The following ARHGAP28 variants were observed in gnomAD, a reference collection of about 807,000 sequenced individuals.
ARHGAP28 encodes the protein rho GTPase-activating protein 28.
ARHGAP28 carries 56 observed loss-of-function variants against 90.7 expected under a neutral mutation model. The ratio of observed to expected loss-of-function variants is 0.62; its 90% CI spans 0.50 to 0.77. The LOEUF (loss-of-function observed/expected upper bound fraction) is 0.77, where lower values mean the gene tolerates loss of function less well. ARHGAP28 is among the 30% of genes least tolerant of loss of function. The pLI, the probability that ARHGAP28 is intolerant of heterozygous loss-of-function variation, is 0.00. For synonymous variants in ARHGAP28, 308 were observed against 323.3 expected (o/e 0.95, Z 0.51); for missense variants, 869 against 900.9 (o/e 0.96, Z 0.45).
chr18:6,817,212 G>A (rs2056597414), intron 1 of ARHGAP28, among the ~76,000 whole-genome samples: 1 of 152,022 alleles, frequency 6.6e-6, no homozygotes, highest in Non-Finnish European at 1.5e-5. Context: ...TACTCAGCAG[G>A]CTGAGGCAGG....
intron 4 of ARHGAP28, 151 bp downstream of exon 4, chr18:6,851,277 G>A: frequency 1.5e-6 from 1 of 670,012 alleles, no homozygotes; most frequent in Admixed American, 3.0e-5. Context: ...TGATTTTTAA[G>A]GAAAATATTC....
At chr18:6,812,756 T>G (rs2056565962) in intron 1 of ARHGAP28, among the ~76,000 whole-genome samples, 1 of 152,172 alleles carries the variant, frequency 6.6e-6, no homozygotes, top group Non-Finnish European at 1.5e-5. Flanking sequence ...ATCAAATTAT[T>G]TATTTGATTC....
chr18:6,908,999 G>T lies in ARHGAP28; in HGVS notation c.2070G>T (p.Arg690Ser). The change falls in exon 17 of 18, where the codon AGG becomes AGT. Residue 690 changes from arginine to serine, a missense_variant. Transcript: ENST00000383472. ...SSECIKIQNQ[R>S]LYEIGGNIGE... ...AATGTATTAAGATTCAGAACCAAAGGTTATATGAAATTGGAGGAAATATAG... is the reference window on the plus strand; with the variant it reads ...AATGTATTAAGATTCAGAACCAAAGTTTATATGAAATTGGAGGAAATATAG... The T allele has an allele frequency of 6.5e-7, 1 of 1,534,950 alleles. No individual in the cohort carries two copies. The highest frequency in any genetic ancestry group is 9.0e-7 in the Non-Finnish European group (1 of 1,113,202).
intron 11 of ARHGAP28, among the ~76,000 whole-genome samples, chr18:6,886,695 AT>A (rs1341367226): frequency 3.3e-5 from 5 of 152,218 alleles, no homozygotes; most frequent in African/African-American, 1.2e-4. Context: ...TGCAACAGGG[AT>A]TAAATAACCT....
intron 3 of ARHGAP28, among the ~76,000 whole-genome samples, chr18:6,840,085 C>T (rs1463998962): frequency 2.0e-5 from 3 of 152,192 alleles, no homozygotes; most frequent in African/African-American, 4.8e-5. Context: ...CAAAGATACA[C>T]AGTACCTAGT....
chr18:6,745,114 T>G (rs182750785), intron 1 of ARHGAP28, among the ~76,000 whole-genome samples: 5 of 152,300 alleles, frequency 3.3e-5, no homozygotes, highest in Non-Finnish European at 7.4e-5. Context: ...ATATTTTCCT[T>G]GTGTTTTTAA....
chr18:6,847,948 A>G (rs2056879508), intron 3 of ARHGAP28, among the ~76,000 whole-genome samples: 1 of 152,166 alleles, frequency 6.6e-6, no homozygotes, highest in Non-Finnish European at 1.5e-5. Flanking sequence ...AATGTAGGAC[A>G]AGATTAATTC....
intron 14 of ARHGAP28, among the ~76,000 whole-genome samples, chr18:6,892,130 C>G (rs1328221187): frequency 6.6e-6 from 1 of 151,974 alleles, no homozygotes; most frequent in African/African-American, 2.4e-5. Context: ...GAGAAAAAAT[C>G]ACATAATATA....
chr18:6,771,821 A>G lies in ARHGAP28; in HGVS notation c.122+41878A>G, dbSNP rs147442789. 6.5e-4 allele frequency among the ~76,000 whole-genome samples: 99 copies of G among 152,324 alleles called. No individual in the cohort carries two copies. In the East Asian group the frequency reaches 0.015, roughly 23 times the overall value. ...AACACATGTCATTTTCCTTGTCTGG[A>G]TAATGCTCTTTATGTAGTTAGATAA... On this transcript the variant is annotated intron_variant, in intron 1 of 17. Coordinates refer to ENST00000383472, the MANE Select transcript of ARHGAP28 (RefSeq NM_001366230.1).
chr18:6,879,251 C>A (rs1330060427), intron 10 of ARHGAP28, among the ~76,000 whole-genome samples: 1 of 152,184 alleles, frequency 6.6e-6, no homozygotes, highest in Non-Finnish European at 1.5e-5. Flanking sequence ...TGGAAAGAGG[C>A]AGACTGTTTG....
chr18:6,731,282 A>G (rs2055879725), intron 1 of ARHGAP28, among the ~76,000 whole-genome samples: 1 of 135,934 alleles, frequency 7.4e-6, no homozygotes, highest in South Asian at 2.3e-4. Flanking sequence ...ATAAATATAT[A>G]TATGTGTGCG....
chr18:6,891,716 T>C (rs563691381), intron 14 of ARHGAP28, among the ~76,000 whole-genome samples: 1 of 152,264 alleles, frequency 6.6e-6, no homozygotes, highest in Admixed American at 6.5e-5. Flanking sequence ...GCCTCTCCAG[T>C]AGCTAGGACT....
At chr18:6,832,149 A>G (rs115853134) in intron 2 of ARHGAP28, among the ~76,000 whole-genome samples, 59 of 152,102 alleles carry the variant, frequency 3.9e-4, no homozygotes, top group African/African-American at 1.4e-3. Flanking sequence ...ATTTTGATAT[A>G]TCTTCATTAT....
intron 1 of ARHGAP28, among the ~76,000 whole-genome samples, chr18:6,786,198 G>A (rs2143518611): frequency 6.6e-6 from 1 of 152,246 alleles, no homozygotes; most frequent in South Asian, 2.1e-4. Context: ...AAGCTAAACT[G>A]CAACTAGACA....
At chr18:6,824,669 C>T (rs1429338445) in intron 1 of ARHGAP28, 93 bp from the exon 2 acceptor site, 3 of 1,119,736 alleles carry the variant, frequency 2.7e-6, no homozygotes, top group Non-Finnish European at 3.7e-6. Flanking sequence ...TTGATTTAAA[C>T]TTAATTAATT....
intron 1 of ARHGAP28, among the ~76,000 whole-genome samples, chr18:6,796,074 C>A (rs901318024): frequency 2.6e-5 from 4 of 152,202 alleles, no homozygotes; most frequent in Admixed American, 2.0e-4. Context: ...TGTAGAGCAA[C>A]ATACATGGGT....
intron 10 of ARHGAP28, among the ~76,000 whole-genome samples, chr18:6,878,991 T>C (rs889697601): frequency 6.6e-6 from 1 of 152,190 alleles, no homozygotes; most frequent in Non-Finnish European, 1.5e-5. Context: ...TGTGGTCCGC[T>C]AGTGTATCAT....
intron 1 of ARHGAP28, among the ~76,000 whole-genome samples, chr18:6,732,930 C>G (rs920404844): frequency 6.6e-6 from 1 of 151,952 alleles, no homozygotes; most frequent in Non-Finnish European, 1.5e-5. Context: ...ACTTGCATCA[C>G]TATCAGAAGC....
At chr18:6,766,208 A>G (rs1279570811) in intron 1 of ARHGAP28, among the ~76,000 whole-genome samples, 1 of 152,132 alleles carries the variant, frequency 6.6e-6, no homozygotes, top group African/African-American at 2.4e-5. Flanking sequence ...TGAAATCTCC[A>G]ACTATAATTG....
Sources: gnomAD v4.1 joint callset for allele counts (sites outside exome capture counted in the v4.1 genomes callset) on GRCh38, gnomAD v4.1.1 for gene constraint, MANE v1.5 for transcripts, NCBI Gene and HGNC (gene_info 2026-07-23, HGNC 2026-07-21) for gene names.